The following ZHX2 variants were observed in gnomAD, a reference collection of about 807,000 sequenced individuals.
The protein encoded by ZHX2 is zinc fingers and homeoboxes protein 2.
Under a neutral mutation model 21.9 loss-of-function variants are expected in ZHX2, and 6 were observed. The ratio of observed to expected loss-of-function variants is 0.27; its 90% CI spans 0.15 to 0.54. The LOEUF (loss-of-function observed/expected upper bound fraction) is 0.54. Ranked by LOEUF, ZHX2 falls within the 20% of genes least tolerant of loss-of-function variation. The probability of loss-of-function intolerance (pLI) is 0.95; values close to 1 mark genes in which losing one functional copy is unlikely to be tolerated. For missense variants in ZHX2, 908 were observed against 1,090.7 expected, an observed-to-expected ratio of 0.83 and a Z score of 2.36; for synonymous variants, 434 against 437.1, an observed-to-expected ratio of 0.99 and a Z score of 0.09.
chr8:122,903,795 A>G (rs1820286223), intron 2 of ZHX2, among the ~76,000 whole-genome samples: 1 of 152,216 alleles, frequency 6.6e-6, no homozygotes, highest in African/African-American at 2.4e-5. Flanking sequence ...AGATGTATAC[A>G]GGGATAGAGA....
At chr8:122,797,345 A>G (rs77313904) in intron 1 of ZHX2, among the ~76,000 whole-genome samples, 26,946 of 152,050 alleles carry the variant, frequency 0.18, 2,631 homozygotes, top group Admixed American at 0.28. Context: ...AGGGGTATGT[A>G]CCCACTTTCT....
chr8:122,965,066 T>C (rs1813548252), intron 3 of ZHX2, among the ~76,000 whole-genome samples: 1 of 149,704 alleles, frequency 6.7e-6, no homozygotes, highest in African/African-American at 2.5e-5. Flanking sequence ...TCACAAGTGG[T>C]CTATCAATTT....
In ZHX2 at chr8:122,943,203, G is replaced by A. The variant is rs180919743; in HGVS notation, c.-219-8089G>A. Among the ~76,000 whole-genome samples, 94 of 152,042 alleles carry A rather than the reference G, an allele frequency of 6.2e-4. 1 individual carries two copies. Among genetic ancestry groups the A allele is most frequent in the African/African-American group, 2.1e-3 (88 of 41,464 alleles). ...TTTGAGCCCGGAGTGTGGAGGTTGC[G>A]GTGAGCCAAGATCGCACCACTGCAC... On this transcript the variant is annotated intron_variant, in intron 2 of 3. Coordinates refer to ENST00000314393, the MANE Select transcript of ZHX2 (RefSeq NM_014943.5).
At chr8:122,789,826 T>G (rs1334666422) in intron 1 of ZHX2, among the ~76,000 whole-genome samples, 1 of 152,232 alleles carries the variant, frequency 6.6e-6, no homozygotes, top group Non-Finnish European at 1.5e-5. Context: ...TAGAACTGCC[T>G]GTTACTTTCT....
At chr8:122,819,833 G>A (rs553407916) in intron 1 of ZHX2, among the ~76,000 whole-genome samples, 2 of 152,308 alleles carry the variant, frequency 1.3e-5, no homozygotes, top group Non-Finnish European at 2.9e-5. Context: ...ACAAGAGGCC[G>A]GACACCTTTC....
intron 1 of ZHX2, among the ~76,000 whole-genome samples, chr8:122,832,366 C>T (rs533464123): frequency 6.6e-6 from 1 of 152,308 alleles, no homozygotes; most frequent in East Asian, 1.9e-4. Flanking sequence ...GCCGCCAATG[C>T]TCAGAGGCAG....
chr8:122,900,748 G>A (rs1302701076), intron 2 of ZHX2, among the ~76,000 whole-genome samples: 1 of 152,184 alleles, frequency 6.6e-6, no homozygotes, highest in Non-Finnish European at 1.5e-5. Flanking sequence ...GTATGCTCAA[G>A]CATGTGAGCA....
At chr8:122,876,016 CA>C (rs1819562841) in intron 2 of ZHX2, among the ~76,000 whole-genome samples, 1 of 152,008 alleles carries the variant, frequency 6.6e-6, no homozygotes, top group South Asian at 2.1e-4. Flanking sequence ...CCATCCATCC[CA>C]TTCATCCATC....
intron 2 of ZHX2, 120 bp downstream of exon 2, chr8:122,863,659 A>C (rs1181422199): frequency 1.3e-5 from 2 of 152,544 alleles, no homozygotes; most frequent in Non-Finnish European, 1.5e-5. Context: ...ATTTCCATGC[A>C]CGTGTGCCTG....
intron 2 of ZHX2, among the ~76,000 whole-genome samples, chr8:122,906,780 A>G (rs1231525929): frequency 6.9e-6 from 1 of 144,224 alleles, no homozygotes; most frequent in Non-Finnish European, 1.5e-5. Context: ...AAGTGATTCT[A>G]CTGCCTCAGC....
chr8:122,809,212 T>C, intron 1 of ZHX2: 1 of 152,294 alleles, frequency 6.6e-6, no homozygotes, highest in Non-Finnish European at 1.5e-5. Flanking sequence ...GAAAGAGGAG[T>C]TGGGTCCAGG....
intron 2 of ZHX2, among the ~76,000 whole-genome samples, chr8:122,874,184 T>C (rs1819511540): frequency 6.6e-6 from 1 of 152,174 alleles, no homozygotes; most frequent in Non-Finnish European, 1.5e-5. Context: ...GCAATATTCA[T>C]TCCTCTTTGC....
chr8:122,904,588 C>T (rs1820303475), intron 2 of ZHX2, among the ~76,000 whole-genome samples: 1 of 152,144 alleles, frequency 6.6e-6, no homozygotes, highest in African/African-American at 2.4e-5. Flanking sequence ...CATCACTGCA[C>T]AGTAATGAGA....
intron 2 of ZHX2, among the ~76,000 whole-genome samples, chr8:122,893,505 T>C (rs999785226): frequency 6.6e-6 from 1 of 152,154 alleles, no homozygotes; most frequent in Non-Finnish European, 1.5e-5. Flanking sequence ...TTTCATACTT[T>C]TTTTATTCTT....
intron 1 of ZHX2, among the ~76,000 whole-genome samples, chr8:122,805,443 A>G (rs1170542136): frequency 4.6e-5 from 7 of 152,166 alleles, no homozygotes; most frequent in Admixed American, 2.0e-4. Flanking sequence ...AAGGAAACAC[A>G]GGTACCGACA....
intron 3 of ZHX2, among the ~76,000 whole-genome samples, chr8:122,962,013 G>C (rs1250985940): frequency 6.6e-6 from 1 of 152,168 alleles, no homozygotes; most frequent in African/African-American, 2.4e-5. Flanking sequence ...TCTCAGGAGG[G>C]GTTGGGCTGG....
intron 1 of ZHX2, among the ~76,000 whole-genome samples, chr8:122,861,442 C>T (rs1354671755): frequency 4.6e-5 from 7 of 152,092 alleles, no homozygotes; most frequent in Non-Finnish European, 8.8e-5. Context: ...GTCAAGAATG[C>T]CAGTTGTCTA....
At chr8:122,911,319 C>T (rs532210969) in intron 2 of ZHX2, among the ~76,000 whole-genome samples, 7 of 152,124 alleles carry the variant, frequency 4.6e-5, no homozygotes, top group African/African-American at 1.7e-4. Context: ...GGTGGAGTTG[C>T]GTGGGGCCAG....
At chr8:122,847,235 TC>T (rs1303733785) in intron 1 of ZHX2, among the ~76,000 whole-genome samples, 2 of 152,102 alleles carry the variant, frequency 1.3e-5, no homozygotes, top group Admixed American at 1.3e-4. Context: ...TGTGTGAGCT[TC>T]CCCACCTCTC....
Sources: allele counts gnomAD v4.1 joint callset (sites outside exome capture counted in the v4.1 genomes callset), GRCh38; gene constraint gnomAD v4.1.1; transcripts MANE v1.5; gene names NCBI Gene and HGNC (gene_info 2026-07-23, HGNC 2026-07-21).